The following DMRT1 variants were observed in gnomAD, a reference collection of about 807,000 sequenced individuals.
DMRT1 encodes the protein doublesex and mab-3 related transcription factor 1, also known as doublesex- and mab-3-related transcription factor 1.
DMRT1 carries 7 observed loss-of-function variants against 32.3 expected under a neutral mutation model. The ratio of observed to expected loss-of-function variants is 0.22; its 90% CI spans 0.12 to 0.41. The LOEUF (loss-of-function observed/expected upper bound fraction) is 0.41. DMRT1 is among the 10% of genes least tolerant of loss of function. The probability of loss-of-function intolerance (pLI) is 1.00; values close to 1 mark genes in which losing one functional copy is unlikely to be tolerated. For synonymous variants in DMRT1, 278 were observed against 206.1 expected, an observed-to-expected ratio of 1.35 and a Z score of -2.99; for missense variants, 625 against 500.5, an observed-to-expected ratio of 1.25 and a Z score of -2.37.
chr9:917,770 C>G (rs946767749), intron 4 of DMRT1, among the ~76,000 whole-genome samples: 1 of 152,190 alleles, frequency 6.6e-6, no homozygotes, highest in African/African-American at 2.4e-5. Flanking sequence ...TTTCCAAATT[C>G]AGAACCAGAA....
intron 3 of DMRT1, among the ~76,000 whole-genome samples, chr9:912,613 A>T (rs1818027709): frequency 6.6e-6 from 1 of 151,426 alleles, no homozygotes; most frequent in South Asian, 2.1e-4. Context: ...TTTACTGTTC[A>T]TCTTCATCTT....
At chr9:896,843 C>G (rs1025372935) in intron 3 of DMRT1, among the ~76,000 whole-genome samples, 1 of 151,828 alleles carries the variant, frequency 6.6e-6, no homozygotes, top group African/African-American at 2.4e-5. Flanking sequence ...TTTTCTAAGC[C>G]CACTTCAAGA....
intron 3 of DMRT1, among the ~76,000 whole-genome samples, chr9:897,613 AG>A (rs796472225): frequency 9.2e-5 from 14 of 152,096 alleles, no homozygotes; most frequent in African/African-American, 3.4e-4. Context: ...AACAAAATTA[AG>A]TAGATTTTGC....
chr9:944,809 T>C (rs1218836091), intron 4 of DMRT1, among the ~76,000 whole-genome samples: 3 of 152,190 alleles, frequency 2.0e-5, no homozygotes, highest in African/African-American at 7.2e-5. Flanking sequence ...TCATAAAATA[T>C]TACTATTCTA....
intron 4 of DMRT1, among the ~76,000 whole-genome samples, chr9:967,666 G>A (rs1169489667): frequency 2.6e-5 from 4 of 152,152 alleles, no homozygotes; most frequent in African/African-American, 4.8e-5. Context: ...GGAGGAGTCC[G>A]GTGAAGGGTG....
intron 3 of DMRT1, among the ~76,000 whole-genome samples, chr9:914,410 T>TA: frequency 6.6e-6 from 1 of 151,566 alleles, no homozygotes; most frequent in African/African-American, 2.4e-5. Flanking sequence ...CTGTCTCTTC[T>TA]AAAAATGCAA....
At chr9:901,066 G>C (rs114782373) in intron 3 of DMRT1, among the ~76,000 whole-genome samples, 272 of 151,986 alleles carry the variant, frequency 1.8e-3, no homozygotes, top group African/African-American at 5.9e-3. Context: ...CCAGGCCAGA[G>C]TGCAGCAGCA....
intron 4 of DMRT1, among the ~76,000 whole-genome samples, chr9:945,379 C>G (rs1052158414): frequency 3.3e-5 from 5 of 152,182 alleles, no homozygotes; most frequent in African/African-American, 9.7e-5. Context: ...CGGTCTTGAA[C>G]TCGTGACCTC....
At position 952,945 on chromosome 9, in the gene DMRT1, GT is replaced by G. The variant is rs560147917; in HGVS notation, c.968-15033del. On this transcript the variant is annotated intron_variant, in intron 4 of 4. Transcript: ENST00000382276. ...TTGATCATTTTTTAAAGCCGAAAGG[GT>G]TTTTTTCCTTAGGAGATATTCTCAT... Among the ~76,000 whole-genome samples, 189 of 152,180 alleles carry G rather than the reference GT, an allele frequency of 1.2e-3. 2 individuals are homozygous for G. The highest frequency in any genetic ancestry group is 1.9e-3 in the South Asian group (9 of 4,820).
intron 4 of DMRT1, among the ~76,000 whole-genome samples, chr9:964,586 A>G (rs904953527): frequency 2.0e-5 from 3 of 152,196 alleles, no homozygotes; most frequent in African/African-American, 7.2e-5. Context: ...GAGGCTATCA[A>G]TGATTATAGG....
rs201919636 is a variant in DMRT1, at chr9:897,594, A to AG, written c.822+3399_822+3400insG. Among the ~76,000 whole-genome samples, 1,104 of 149,846 alleles carry AG rather than the reference A, an allele frequency of 7.4e-3. 13 individuals carry two copies. The highest frequency in any genetic ancestry group is 0.026 in the African/African-American group (1,057 of 41,036). ...GTAACAGAGCAAGACACTGTCTCCA[A>AG]AAAAAAAAAACAAAATTAAGTAGAT... On this transcript the variant is annotated intron_variant, in intron 3 of 4. Transcript: ENST00000382276.
chr9:901,674 T>C (rs140088195), intron 3 of DMRT1, among the ~76,000 whole-genome samples: 1 of 151,846 alleles, frequency 6.6e-6, no homozygotes, highest in Non-Finnish European at 1.5e-5. Flanking sequence ...ATGAGTTTTT[T>C]TTTTTGCCAC....
intron 2 of DMRT1, among the ~76,000 whole-genome samples, chr9:877,597 ACTC>A (rs1370180875): frequency 1.3e-5 from 2 of 152,010 alleles, no homozygotes; most frequent in Non-Finnish European, 1.5e-5. Flanking sequence ...TTTGAACAGA[ACTC>A]CTCCTCCCAT....
chr9:879,923 A>C (rs1483246238), intron 2 of DMRT1, among the ~76,000 whole-genome samples: 1 of 152,246 alleles, frequency 6.6e-6, no homozygotes, highest in Non-Finnish European at 1.5e-5. Flanking sequence ...AATCACATTC[A>C]TTAATACTAC....
intron 2 of DMRT1, among the ~76,000 whole-genome samples, chr9:872,054 C>T (rs1208050515): frequency 2.0e-5 from 3 of 151,208 alleles, no homozygotes; most frequent in Admixed American, 2.0e-4. Context: ...AATTTACATG[C>T]CATAAAACTC....
At chr9:873,210 GTCT>G (rs1317660006) in intron 2 of DMRT1, among the ~76,000 whole-genome samples, 3 of 152,048 alleles carry the variant, frequency 2.0e-5, no homozygotes, top group Non-Finnish European at 2.9e-5. Context: ...ATTTTTGTCT[GTCT>G]TCTTTAGAGA....
intron 3 of DMRT1, among the ~76,000 whole-genome samples, chr9:914,198 G>C (rs1434376719): frequency 6.6e-6 from 1 of 152,158 alleles, no homozygotes; most frequent in Non-Finnish European, 1.5e-5. Context: ...CTCTTCTGCT[G>C]TGTGGTCTTA....
intron 4 of DMRT1, among the ~76,000 whole-genome samples, chr9:933,666 A>G (rs1046369185): frequency 2.0e-5 from 3 of 152,252 alleles, no homozygotes; most frequent in African/African-American, 7.2e-5. Flanking sequence ...AATTTTAATT[A>G]CAATGGAAAA....
At position 932,670 on chromosome 9, in the gene DMRT1, C is replaced by A. The variant is rs547052672; in HGVS notation, c.967+15763C>A. ...GGGCTCAGTCCCACAAAACTGCCCC[C>A]ATTTTAGGCTCCAGCTGAAAATGGG... On this transcript the variant is annotated intron_variant, in intron 4 of 4. Coordinates refer to ENST00000382276, the MANE Select transcript of DMRT1 (RefSeq NM_021951.3). 1.8e-4 allele frequency among the ~76,000 whole-genome samples: 28 copies of A among 152,274 alleles called. No individual in the cohort carries two copies. The South Asian group carries it at 5.6e-3, about 30-fold the overall frequency.
Sources: allele counts gnomAD v4.1 joint callset (sites outside exome capture counted in the v4.1 genomes callset), GRCh38; gene constraint gnomAD v4.1.1; transcripts MANE v1.5; gene names NCBI Gene and HGNC (gene_info 2026-07-23, HGNC 2026-07-21).